SLX4: variants seen among roughly 807,000 people sequenced by gnomAD.
SLX4 encodes structure-specific endonuclease subunit SLX4.
In SLX4, 112 loss-of-function variants were observed where a neutral mutation model predicts 146.2. That is an observed-to-expected ratio of 0.77 (90% CI 0.66 to 0.90). SLX4 has a LOEUF of 0.90. Among genes scored for constraint, SLX4 ranks in the 40% least tolerant of loss-of-function variants. SLX4 has a pLI of 0.00. For synonymous variants in SLX4, 1,061 were observed against 997.7 expected (o/e 1.06, Z -1.20); for missense variants, 2,563 against 2,392.7 (o/e 1.07, Z -1.49).
intron 9 of SLX4, among the ~76,000 whole-genome samples, chr16:3,594,940 G>A (rs967506135): frequency 6.6e-6 from 1 of 152,180 alleles, no homozygotes; most frequent in Non-Finnish European, 1.5e-5. Flanking sequence ...GGGCTTTGAG[G>A]AGGTGCACCC....
rs780678810 is a variant in SLX4 at position 3,582,584 on chromosome 16, C to A, written c.5263G>T (p.Ala1755Ser). The A allele has an allele frequency of 2.5e-5, 41 of 1,613,612 alleles. No homozygotes were observed. Among genetic ancestry groups the A allele is most frequent in the Admixed American group, 5.0e-5 (3 of 60,012 alleles). ...TTGGAGCGGATGTAGCACCTCAGCG[C>A]CTCGTCTGTGTCCGCCGCCTGCACG... ...AAVQAADTDE[A>S]LRCYIRSKPA... is the part of the protein sequence containing the mutation. The change falls in exon 15 of 15, where the codon GCG becomes TCG. Residue 1755 changes from alanine (A) to serine (S), a missense_variant. Transcript: ENST00000294008.
chr16:3,582,042 A>G lies in SLX4; in HGVS notation c.*300T>C, dbSNP rs2040441679. The G allele has an allele frequency of 1.3e-5, 6 of 473,950 alleles. No individual in the cohort carries two copies. Among genetic ancestry groups the G allele is most frequent in the Non-Finnish European group, 2.3e-5 (6 of 260,970 alleles). The allele number at this position is 473,950 out of a possible 1,614,324, so 29.4% of individuals were successfully genotyped here. On this transcript the variant is annotated 3_prime_UTR_variant, in exon 15 of 15. Coordinates refer to ENST00000294008, the MANE Select transcript of SLX4 (RefSeq NM_032444.4). ...TAGGTGACACAGCACGACTGTCTCA[A>G]AAAGAAAAAAAAAAAGAAAACCAAA...
intron 11 of SLX4, among the ~76,000 whole-genome samples, chr16:3,591,644 G>T (rs2040596946): frequency 6.6e-6 from 1 of 152,194 alleles, no homozygotes; most frequent in Non-Finnish European, 1.5e-5. Context: ...AAGATATGGT[G>T]TCAGAGCCAG....
rs924215042 is a variant in SLX4 at position 3,609,353 on chromosome 16, A to G, written c.-389T>C. ...AACCTGGGAGGCGGAGATTGCAGTG[A>G]GCCGAGATCGTGCCACTGCACTCTA... On this transcript the variant is annotated 5_prime_UTR_variant, in exon 2 of 15. Coordinates refer to ENST00000294008, the MANE Select transcript of SLX4 (RefSeq NM_032444.4). 4.4e-6 allele frequency: 1 copy of G among 227,202 alleles called. No individual in the cohort carries two copies. The highest frequency in any genetic ancestry group is 9.0e-6 in the Non-Finnish European group (1 of 111,134). The allele number at this position is 227,202 out of a possible 1,614,324, so 14.1% of individuals were successfully genotyped here.
At chr16:3,610,296 CTG>C (rs1280268643) in intron 1 of SLX4, among the ~76,000 whole-genome samples, 2 of 152,360 alleles carry the variant, frequency 1.3e-5, no homozygotes, top group East Asian at 3.9e-4. Flanking sequence ...GCATTCTCTT[CTG>C]TGTCTTCCCC....
chr16:3,586,291 TG>T (rs2040507971), intron 12 of SLX4, among the ~76,000 whole-genome samples: 1 of 151,860 alleles, frequency 6.6e-6, no homozygotes. Flanking sequence ...ATACCATCAG[TG>T]GGGTATTAGA....
At position 3,589,401 on chromosome 16, in the gene SLX4, G is replaced by C. The variant is rs2151121774; in HGVS notation, c.4237C>G (p.Pro1413Ala). Residue 1413 changes from proline (P) to alanine (A), a missense_variant, in exon 12 of 15, where the codon CCC becomes GCC. Transcript: ENST00000294008. This position sits in a 1 kb window ranked among gnomAD's most constrained non-coding sequence, Gnocchi z 6.2. ...ATTGGGGGGTCACTGTCCAGTGGGG[G>C]GCTTCTGTTGGCCTGATGGGAGGCC... ...EVASHQANRS[P>A]PLDSDPPIPI... 3 of 1,599,598 alleles carry C rather than the reference G, an allele frequency of 1.9e-6. No homozygotes were observed. Among genetic ancestry groups the C allele is most frequent in the Non-Finnish European group, 2.6e-6 (3 of 1,169,886 alleles).
chr16:3,591,920 G>A (rs1434348803), intron 11 of SLX4, among the ~76,000 whole-genome samples: 2 of 152,102 alleles, frequency 1.3e-5, no homozygotes, highest in South Asian at 2.1e-4. Context: ...TTTGGGAGGC[G>A]GAGGCAGGAG....
Position 3,594,539 on chromosome 16 carries a change from C to T in SLX4, c.2074G>A (p.Asp692Asn), listed in dbSNP as rs1430835075. Residue 692 changes from aspartate (D) to asparagine (N), a missense_variant, in exon 10 of 15, where the codon GAT (aspartate) becomes AAT (asparagine). Physicochemically the swap from Asp to Asn is conservative, Grantham distance 23 (BLOSUM62 1). Coordinates refer to ENST00000294008, the MANE Select transcript of SLX4 (RefSeq NM_032444.4). ...CCGCTGTCCGTCTGAAACTGGACATCACTCAGGTGTGGGTTATTGACCATG... is the reference window on the plus strand; with the variant it reads ...CCGCTGTCCGTCTGAAACTGGACATTACTCAGGTGTGGGTTATTGACCATG... Reference protein sequence around the residue: ...GAMVNNPHLSDVQFQTDSGEV... With the variant: ...GAMVNNPHLSNVQFQTDSGEV... 3 of 1,614,048 alleles carry T rather than the reference C, an allele frequency of 1.9e-6. No individual in the cohort carries two copies. The highest frequency in any genetic ancestry group is 2.5e-6 in the Non-Finnish European group (3 of 1,180,044).
intron 5 of SLX4, among the ~76,000 whole-genome samples, 174 bp from the exon 6 acceptor site, chr16:3,598,173 C>G (rs1439280579): frequency 6.6e-6 from 1 of 152,176 alleles, no homozygotes; most frequent in Non-Finnish European, 1.5e-5. Context: ...AATTCCAGGC[C>G]AGAAGTTCAA....
At position 3,582,338 on chromosome 16, in the gene SLX4, C is replaced by T. The variant is rs750413957; in HGVS notation, c.*4G>A. The T allele has an allele frequency of 2.5e-6, 4 of 1,609,676 alleles. No homozygotes were observed. The highest frequency in any genetic ancestry group is 3.4e-6 in the Non-Finnish European group (4 of 1,179,572). On this transcript the variant is annotated 3_prime_UTR_variant, in exon 15 of 15. Coordinates refer to ENST00000294008, the MANE Select transcript of SLX4 (RefSeq NM_032444.4). ...CAGGTTGGGGTGGGGTCGGGATGGCCCCATCAGTTCCGCTCCACCTTCTTC... is the reference window on the plus strand; with the variant it reads ...CAGGTTGGGGTGGGGTCGGGATGGCTCCATCAGTTCCGCTCCACCTTCTTC...
rs2040819488 is a variant in SLX4 at position 3,609,077 on chromosome 16, T to C, written c.-113A>G. The C allele has an allele frequency of 1.5e-6, 2 of 1,309,162 alleles. No individual in the cohort carries two copies. The highest frequency in any genetic ancestry group is 2.0e-5 in the Admixed American group (1 of 50,084). 81.1% of individuals were successfully genotyped at this position (1,309,162 alleles called of 1,614,324 possible). On this transcript the variant is annotated 5_prime_UTR_variant, in exon 2 of 15. Coordinates refer to ENST00000294008, the MANE Select transcript of SLX4 (RefSeq NM_032444.4). ...AGTATCTTTGTTCAAATTGGGCCTG[T>C]GGTTAAACATGTTTAAAGCTTCCCT...
Position 3,597,622 on chromosome 16 carries a change from G to C in SLX4, c.1440C>G (p.Gly480=). The C allele has an allele frequency of 1.9e-6, 3 of 1,614,080 alleles. No homozygotes were observed. Among genetic ancestry groups the C allele is most frequent in the Admixed American group, 1.7e-5 (1 of 60,016 alleles). The change falls in exon 7 of 15, where the codon GGC becomes GGG. Residue 480 remains glycine, a synonymous_variant. Transcript: ENST00000294008. This position sits in a 1 kb window ranked among gnomAD's most constrained non-coding sequence, Gnocchi z 4.4. The part of the protein sequence containing the change: ...LLLVQDSETT[G]RQIEDRVALL... ...GGGCCACACGGTCCTCTATCTGTCG[G>C]CCTGTGGTTTCAGAGTCCTGGACTA...
rs538575551 is a variant in SLX4 at position 3,600,824 on chromosome 16, G to C, written c.1163+155C>G. The stretch of plus-strand genomic sequence containing the variant: ...TCGGCCAGGCTGGTATCGAACTCCT[G>C]ATCTAAGGTGATCTGCCCACCTTGG... On this transcript the variant is annotated intron_variant, in intron 5 of 14. Transcript: ENST00000294008. The C allele has an allele frequency of 1.9e-5, 14 of 734,646 alleles. No homozygotes were observed. In the South Asian group the frequency reaches 2.2e-4, roughly 12 times the overall value. The allele number at this position is 734,646 out of a possible 1,614,324, so 45.5% of individuals were successfully genotyped here.
At position 3,582,279 on chromosome 16, in the gene SLX4, C is replaced by T. The variant is rs2040444664; in HGVS notation, c.*63G>A. ...ACCCACGCTGGGTGTCCCAGGTCCT[C>T]CCTGCAAATGGCGGGGGTGGGGGCT... On this transcript the variant is annotated 3_prime_UTR_variant, in exon 15 of 15. Transcript: ENST00000294008. 5 of 1,471,382 alleles carry T rather than the reference C, an allele frequency of 3.4e-6. No individual in the cohort carries two copies. Among genetic ancestry groups the T allele is most frequent in the Non-Finnish European group, 4.6e-6 (5 of 1,077,774 alleles). 91.1% of individuals were successfully genotyped at this position (1,471,382 alleles called of 1,614,324 possible).
At chr16:3,608,370 T>G (rs1446457645) in intron 2 of SLX4, 60 bp downstream of exon 2, 2 of 1,594,752 alleles carry the variant, frequency 1.3e-6, no homozygotes, top group Non-Finnish European at 8.6e-7. Flanking sequence ...GCCAAAATAT[T>G]TACGATCTGG....
At chr16:3,587,733 G>C (rs984485254) in intron 12 of SLX4, among the ~76,000 whole-genome samples, 3 of 152,302 alleles carry the variant, frequency 2.0e-5, no homozygotes, top group South Asian at 4.1e-4. Flanking sequence ...GCTGGGCCAC[G>C]GGCGTGCTAT....
rs59706816 is a variant in SLX4, at chr16:3,596,275, G to A, written c.1802C>T (p.Ser601Leu). The A allele has an allele frequency of 5.7e-4, 885 of 1,566,098 alleles. 3 individuals carry two copies. In the African/African-American group the frequency reaches 0.01, roughly 18 times the overall value. Reference protein sequence around the residue: ...PTAGCGSRGPSPSASQREHQA... With the variant: ...PTAGCGSRGPLPSASQREHQA... ...GTGCTCCCTCTGGCTGGCCGAAGGCGACGGGCCCCTGGAGCCACAGCCTGC... is the reference window on the plus strand; with the variant it reads ...GTGCTCCCTCTGGCTGGCCGAAGGCAACGGGCCCCTGGAGCCACAGCCTGC... The change falls in exon 8 of 15, where the codon TCG (serine) becomes TTG (leucine). Residue 601 changes from serine (S) to leucine (L), a missense_variant. Transcript: ENST00000294008.
chr16:3,608,608 C>A lies in SLX4; in HGVS notation c.357G>T (p.Arg119Ser), dbSNP rs775598631. ...KKPPSGSQAPRTKKQRVTKWQ... is the reference protein window; with the variant it reads ...KKPPSGSQAPSTKKQRVTKWQ... The stretch of plus-strand genomic sequence containing the variant: ...ATTTGGTTACCCTTTGCTTTTTAGT[C>A]CTAGGGGCCTGGCTGCCAGACGGAG... The change falls in exon 2 of 15, where the codon AGG becomes AGT. Residue 119 changes from arginine (R) to serine (S), a missense_variant. Physicochemically the swap from Arg to Ser is moderately radical, Grantham distance 110. Transcript: ENST00000294008. 1 of 1,614,088 alleles carries A rather than the reference C, an allele frequency of 6.2e-7. No individual in the cohort carries two copies. Among genetic ancestry groups the A allele is most frequent in the Admixed American group, 1.7e-5 (1 of 60,006 alleles).
Sources: gnomAD v4.1 joint callset for allele counts (sites outside exome capture counted in the v4.1 genomes callset) on GRCh38, gnomAD v4.1.1 for gene constraint, Gnocchi (gnomAD v3.1) non-coding constraint, MANE v1.5 for transcripts, NCBI Gene and HGNC (gene_info 2026-07-23, HGNC 2026-07-21) for gene names.